The following SLC38A9 variants were observed in gnomAD, a reference collection of about 807,000 sequenced individuals.
SLC38A9 encodes solute carrier family 38 member 9, also known as neutral amino acid transporter 9.
In SLC38A9, 48 loss-of-function variants were observed where a neutral mutation model predicts 62.3. The observed-to-expected ratio is 0.77, with a 90% CI of 0.61 to 0.98. SLC38A9 has a LOEUF of 0.98. Among genes scored for constraint, SLC38A9 ranks in the 50% least tolerant of loss-of-function variants. The pLI, the probability that SLC38A9 is intolerant of heterozygous loss-of-function variation, is 0.00. For synonymous variants in SLC38A9, 204 were observed against 227.7 expected, an observed-to-expected ratio of 0.90 and a Z score of 0.94; for missense variants, 541 against 679.8, an observed-to-expected ratio of 0.80 and a Z score of 2.27.
At chr5:55,679,724 C>T (rs1752723273) in intron 3 of SLC38A9, among the ~76,000 whole-genome samples, 1 of 152,060 alleles carries the variant, frequency 6.6e-6, no homozygotes, top group Admixed American at 6.6e-5. Flanking sequence ...GTAACACCAC[C>T]ACCACCACTG....
chr5:55,679,755 C>G (rs1415766414), intron 3 of SLC38A9, among the ~76,000 whole-genome samples: 3 of 152,154 alleles, frequency 2.0e-5, no homozygotes, highest in Admixed American at 1.3e-4. Flanking sequence ...ATTCCATCTA[C>G]TATCTAGAAA....
chr5:55,646,078 A>G (rs6450331), intron 11 of SLC38A9, among the ~76,000 whole-genome samples, 183 bp from the exon 12 acceptor site: 90,526 of 152,098 alleles, frequency 0.6, 27,623 homozygotes, highest in South Asian at 0.7. Context: ...AAAAGGGGGA[A>G]AAAAAGGTAT....
At chr5:55,684,469 G>C (rs1042315423) in intron 3 of SLC38A9, among the ~76,000 whole-genome samples, 8 of 152,096 alleles carry the variant, frequency 5.3e-5, no homozygotes, top group African/African-American at 1.9e-4. Context: ...AGTTAAAGTT[G>C]GGCTTCAGTT....
chr5:55,664,527 A>G (rs568419561), intron 8 of SLC38A9, 166 bp downstream of exon 8: 1 of 378,974 alleles, frequency 2.6e-6, no homozygotes, highest in Non-Finnish European at 4.7e-6. Flanking sequence ...TATATTTGAG[A>G]GCACAACCAC....
chr5:55,708,996 A>G (rs1192093786), intron 2 of SLC38A9, among the ~76,000 whole-genome samples: 5 of 152,224 alleles, frequency 3.3e-5, no homozygotes. Flanking sequence ...TGCTATGTAT[A>G]TATATTTTCT....
chr5:55,668,651 T>C (rs1408353221), intron 7 of SLC38A9, among the ~76,000 whole-genome samples: 7 of 152,220 alleles, frequency 4.6e-5, no homozygotes, highest in Admixed American at 4.6e-4. Context: ...GCCTGTTGAT[T>C]CATACTTGCT....
chr5:55,697,819 G>T, intron 3 of SLC38A9, 27 bp downstream of exon 3: 2 of 1,204,860 alleles, frequency 1.7e-6, no homozygotes, highest in Non-Finnish European at 1.2e-6. Context: ...CCCTAATTAT[G>T]AAATGTGTTT....
chr5:55,690,710 AC>A (rs1237863923), intron 3 of SLC38A9, among the ~76,000 whole-genome samples: 2 of 152,204 alleles, frequency 1.3e-5, no homozygotes, highest in East Asian at 3.9e-4. Flanking sequence ...ATCTACTGTT[AC>A]CTATTAATAG....
At chr5:55,639,968 C>A (rs1745153711) in intron 12 of SLC38A9, among the ~76,000 whole-genome samples, 1 of 148,926 alleles carries the variant, frequency 6.7e-6, no homozygotes, top group East Asian at 2.0e-4. Flanking sequence ...AAAAAAAAAT[C>A]CATTTAAACC....
Position 55,652,711 on chromosome 5 carries a change from C to G in SLC38A9, c.770G>C (p.Ser257Thr), listed in dbSNP as rs368805124. 1.6e-5 allele frequency: 25 copies of G among 1,611,428 alleles called. No individual in the cohort carries two copies. The highest frequency in any genetic ancestry group is 2.0e-5 in the Non-Finnish European group (23 of 1,178,748). ...GTCAGGATGGCCTCCACTCCCGGCACTTGGACAAATCACTGCAATAGGAAA... is the reference window on the plus strand; with the variant it reads ...GTCAGGATGGCCTCCACTCCCGGCAGTTGGACAAATCACTGCAATAGGAAA... ...TNNSNPVICPSAGSGGHPDNS... is the reference protein window; with the variant it reads ...TNNSNPVICPTAGSGGHPDNS... Residue 257 changes from serine (S) to threonine (T), a missense_variant, in exon 10 of 16, where the codon AGT (serine) becomes ACT (threonine). Ser to Thr is a moderately conservative substitution (Grantham distance 58, BLOSUM62 1). Coordinates refer to ENST00000396865, the MANE Select transcript of SLC38A9 (RefSeq NM_173514.4).
chr5:55,712,031 G>T (rs1298168800), intron 1 of SLC38A9, among the ~76,000 whole-genome samples, 186 bp downstream of exon 1: 1 of 152,176 alleles, frequency 6.6e-6, no homozygotes, highest in African/African-American at 2.4e-5. Context: ...CTCCGGAGCA[G>T]TCTCCGCGGC....
intron 7 of SLC38A9, among the ~76,000 whole-genome samples, chr5:55,667,056 G>A (rs569283886): frequency 6.6e-6 from 1 of 151,960 alleles, no homozygotes; most frequent in East Asian, 1.9e-4. Flanking sequence ...TTAACCAGGC[G>A]TGGTGGTGGG....
At chr5:55,676,356 T>C (rs1332667643) in intron 3 of SLC38A9, among the ~76,000 whole-genome samples, 2 of 152,002 alleles carry the variant, frequency 1.3e-5, no homozygotes, top group Non-Finnish European at 2.9e-5. Flanking sequence ...AAAAAAATTT[T>C]TTTATAGAGA....
At chr5:55,656,372 T>C (rs1037442149) in intron 9 of SLC38A9, among the ~76,000 whole-genome samples, 2 of 151,722 alleles carry the variant, frequency 1.3e-5, no homozygotes, top group African/African-American at 2.4e-5. Flanking sequence ...AACTGAGAAC[T>C]ATGCTTCTAG....
At chr5:55,648,008 G>A (rs1050381419) in intron 11 of SLC38A9, among the ~76,000 whole-genome samples, 8 of 152,174 alleles carry the variant, frequency 5.3e-5, no homozygotes, top group African/African-American at 1.4e-4. Flanking sequence ...GGGAGGCTGA[G>A]GCAGGTGGAT....
intron 7 of SLC38A9, among the ~76,000 whole-genome samples, chr5:55,666,600 A>G (rs199591133): frequency 3.9e-5 from 1 of 25,748 alleles, no homozygotes; most frequent in African/African-American, 8.8e-5. Flanking sequence ...ACTATCAAGA[A>G]TAACTGTTTC....
chr5:55,692,186 A>C (rs1206259687), intron 3 of SLC38A9, among the ~76,000 whole-genome samples: 1 of 152,366 alleles, frequency 6.6e-6, no homozygotes, highest in African/African-American at 2.4e-5. Flanking sequence ...GAAAAAAAGC[A>C]TAAACAACAC....
Position 55,664,980 on chromosome 5 carries a change from C to T in SLC38A9, c.527-117G>A, listed in dbSNP as rs140461250. 130 of 523,996 alleles carry T rather than the reference C, an allele frequency of 2.5e-4. No homozygotes were observed. The East Asian group carries it at 4.4e-3, about 18-fold the overall frequency. 32.5% of individuals were successfully genotyped at this position (523,996 alleles called of 1,614,324 possible). ...GCGAAAGATTATGGGTATTCTATCG[C>T]TAGACATTAGAATATATTATAAGAT... On this transcript the variant is annotated intron_variant, in intron 7 of 15. Coordinates refer to ENST00000396865, the MANE Select transcript of SLC38A9 (RefSeq NM_173514.4).
chr5:55,659,577 G>C (rs1561356757), intron 8 of SLC38A9, among the ~76,000 whole-genome samples: 1 of 151,458 alleles, frequency 6.6e-6, no homozygotes, highest in African/African-American at 2.4e-5. Flanking sequence ...TAGTAGAGAC[G>C]GGGTTTCACT....
Sources: gnomAD v4.1 joint callset for allele counts (sites outside exome capture counted in the v4.1 genomes callset) on GRCh38, gnomAD v4.1.1 for gene constraint, MANE v1.5 for transcripts, NCBI Gene and HGNC (gene_info 2026-07-23, HGNC 2026-07-21) for gene names.